Variants in KCNIP1 observed in about 807,000 individuals in gnomAD.
KCNIP1 encodes A-type potassium channel modulatory protein KCNIP1.
Under a neutral mutation model 33.0 loss-of-function variants are expected in KCNIP1, and 18 were observed. That is an observed-to-expected ratio of 0.55 (90% confidence interval 0.38 to 0.81). The LOEUF is 0.81. Among genes scored for constraint, KCNIP1 ranks in the 30% least tolerant of loss-of-function variants. KCNIP1 has a pLI of 0.00. For synonymous variants in KCNIP1, 93 were observed against 98.3 expected, an observed-to-expected ratio of 0.95 and a Z score of 0.32; for missense variants, 238 against 271.6, an observed-to-expected ratio of 0.88 and a Z score of 0.87.
chr5:170,370,517 A>G (rs1231845083), intron 1 of KCNIP1, among the ~76,000 whole-genome samples: 4 of 152,226 alleles, frequency 2.6e-5, no homozygotes, highest in Non-Finnish European at 5.9e-5. Context: ...GGATAATGCC[A>G]TACTCAGCTG....
At chr5:170,532,051 G>C (rs1417802361) in intron 1 of KCNIP1, among the ~76,000 whole-genome samples, 1 of 152,166 alleles carries the variant, frequency 6.6e-6, no homozygotes, top group African/African-American at 2.4e-5. Flanking sequence ...ACTCCTCCAT[G>C]ACCTCTGAGA....
intron 1 of KCNIP1, among the ~76,000 whole-genome samples, chr5:170,586,236 C>A (rs1757985000): frequency 6.6e-6 from 1 of 152,192 alleles, no homozygotes. Context: ...ACCTGTGTAT[C>A]CTCCAAATGC....
intron 1 of KCNIP1, among the ~76,000 whole-genome samples, chr5:170,429,257 GTT>G (rs1755687646): frequency 3.3e-5 from 5 of 152,044 alleles, no homozygotes; most frequent in Non-Finnish European, 7.4e-5. Flanking sequence ...TGGGCATGCC[GTT>G]GTCTCTGCTA....
intron 1 of KCNIP1, among the ~76,000 whole-genome samples, chr5:170,665,818 T>G (rs1054419959): frequency 6.6e-6 from 1 of 152,222 alleles, no homozygotes; most frequent in African/African-American, 2.4e-5. Flanking sequence ...GACTGTAGAA[T>G]GTCCCTCAAC....
intron 1 of KCNIP1, among the ~76,000 whole-genome samples, chr5:170,517,881 T>C (rs1394022067): frequency 1.4e-5 from 2 of 143,362 alleles, no homozygotes; most frequent in African/African-American, 5.2e-5. Context: ...GTAGTGATGA[T>C]GGTGAAGTGA....
chr5:170,656,996 CTTT>C (rs397999901), intron 1 of KCNIP1, among the ~76,000 whole-genome samples: 6 of 109,734 alleles, frequency 5.5e-5, no homozygotes, highest in Non-Finnish European at 3.6e-5. Context: ...TTCTTTCTTT[CTTT>C]TTTTTTTTTT....
chr5:170,444,780 A>C (rs141816395), intron 1 of KCNIP1, among the ~76,000 whole-genome samples: 5 of 151,734 alleles, frequency 3.3e-5, no homozygotes, highest in Non-Finnish European at 7.4e-5. Context: ...TCTGCGGGCA[A>C]GGATAGTTAT....
chr5:170,639,713 G>T (rs1760459905), intron 1 of KCNIP1, among the ~76,000 whole-genome samples: 1 of 152,026 alleles, frequency 6.6e-6, no homozygotes, highest in Non-Finnish European at 1.5e-5. Flanking sequence ...GTCTCCCCCT[G>T]CCCCCATCAC....
chr5:170,602,209 TG>T (rs1199687743), intron 1 of KCNIP1, among the ~76,000 whole-genome samples: 4 of 152,226 alleles, frequency 2.6e-5, no homozygotes, highest in Admixed American at 1.3e-4. Context: ...TACTTATAAA[TG>T]GGGTCCTGGG....
At position 170,613,893 on chromosome 5, in the gene KCNIP1, C is replaced by G. The variant is rs945216602; in HGVS notation, c.62-104865C>G. 5.3e-5 allele frequency among the ~76,000 whole-genome samples: 8 copies of G among 152,312 alleles called. No homozygotes were observed. The East Asian group carries it at 7.7e-4, about 15-fold the overall frequency. On this transcript the variant is annotated intron_variant, in intron 1 of 7. Transcript: ENST00000328939. Reference sequence around the variant, plus strand: ...CCACTTGGTGTCTGTGTGGCTGGCTCTTTGTGGCCCTGGAGAGGGAACAAG... The same window carrying G: ...CCACTTGGTGTCTGTGTGGCTGGCTGTTTGTGGCCCTGGAGAGGGAACAAG...
At chr5:170,416,922 A>G (rs11958361) in intron 1 of KCNIP1, among the ~76,000 whole-genome samples, 7,225 of 152,300 alleles carry the variant, frequency 0.047, 585 homozygotes, top group African/African-American at 0.16. Flanking sequence ...TAACTCTTAA[A>G]TAATATCCTC....
At chr5:170,581,415 A>G (rs1199563829) in intron 1 of KCNIP1, among the ~76,000 whole-genome samples, 2 of 152,214 alleles carry the variant, frequency 1.3e-5, no homozygotes, top group Non-Finnish European at 2.9e-5. Flanking sequence ...AGCAGTGACA[A>G]ACAGGATGCA....
At chr5:170,475,743 AC>A (rs1756843815) in intron 1 of KCNIP1, among the ~76,000 whole-genome samples, 1 of 151,904 alleles carries the variant, frequency 6.6e-6, no homozygotes, top group Middle Eastern at 3.2e-3. Context: ...TATCTAGCCC[AC>A]CTCCATGTCC....
chr5:170,716,555 C>T (rs182569477), intron 1 of KCNIP1, among the ~76,000 whole-genome samples: 239 of 152,272 alleles, frequency 1.6e-3, no homozygotes, highest in Non-Finnish European at 2.8e-3. Context: ...AAAACAAAAG[C>T]TTGGCAGTCA....
intron 1 of KCNIP1, among the ~76,000 whole-genome samples, chr5:170,646,167 A>T (rs547727412): frequency 1.6e-4 from 24 of 152,344 alleles, no homozygotes; most frequent in Non-Finnish European, 2.8e-4. Flanking sequence ...ACAAATATTT[A>T]AGGAAGAAAA....
At chr5:170,664,821 T>C (rs1761642733) in intron 1 of KCNIP1, among the ~76,000 whole-genome samples, 1 of 152,000 alleles carries the variant, frequency 6.6e-6, no homozygotes, top group East Asian at 1.9e-4. Context: ...CATGGGGGCA[T>C]TGATGTTTTA....
chr5:170,693,157 G>C (rs1056972860), intron 1 of KCNIP1, among the ~76,000 whole-genome samples: 101 of 152,298 alleles, frequency 6.6e-4, no homozygotes, highest in African/African-American at 2.3e-3. Context: ...TGGGAACCCA[G>C]GTCTCCCATC....
rs750538048 is a variant in KCNIP1 at position 170,718,869 on chromosome 5, G to C, written c.173G>C (p.Arg58Pro). The C allele has an allele frequency of 6.2e-7, 1 of 1,610,332 alleles. No homozygotes were observed. The highest frequency in any genetic ancestry group is 1.7e-4 in the Middle Eastern group (1 of 6,016). Residue 58 changes from arginine (R) to proline (P), a missense_variant, in exon 2 of 8, where the codon CGA becomes CCA. Physicochemically the swap from Arg to Pro is moderately radical, Grantham distance 103. Transcript: ENST00000328939. ...FTKRELQVLY[R>P]GFKNECPSGV... ...AAGAGGGAGCTGCAGGTCCTTTATC[G>C]AGGCTTCAAAAATGTAAGACCCGTG... is the stretch of plus-strand genomic sequence containing the variant.
At chr5:170,427,840 G>A (rs760200474) in intron 1 of KCNIP1, among the ~76,000 whole-genome samples, 6 of 152,204 alleles carry the variant, frequency 3.9e-5, no homozygotes, top group Non-Finnish European at 8.8e-5. Flanking sequence ...CACACTTCCT[G>A]CAGCATCTGA....
Sources: allele counts gnomAD v4.1 joint callset (sites outside exome capture counted in the v4.1 genomes callset), GRCh38; gene constraint gnomAD v4.1.1; transcripts MANE v1.5; gene names NCBI Gene and HGNC (gene_info 2026-07-23, HGNC 2026-07-21).